SUV39H2: variants seen among roughly 807,000 people sequenced by gnomAD.
SUV39H2 encodes SUV39H2 histone lysine methyltransferase.
Under a neutral mutation model 47.5 loss-of-function variants are expected in SUV39H2, and 10 were observed. The ratio of observed to expected loss-of-function variants is 0.21; its 90% CI spans 0.13 to 0.36. The LOEUF (loss-of-function observed/expected upper bound fraction) is 0.36, where lower values mean the gene tolerates loss of function less well. Ranked by LOEUF, SUV39H2 falls within the 10% of genes least tolerant of loss-of-function variation. SUV39H2 has a pLI of 1.00. For missense variants in SUV39H2, 266 were observed against 487.4 expected, an observed-to-expected ratio of 0.55 and a Z score of 4.28; for synonymous variants, 159 against 166.8, an observed-to-expected ratio of 0.95 and a Z score of 0.36.
In SUV39H2 at chr10:14,902,724, G is replaced by T. The variant is rs1415855307; in HGVS notation, c.*212G>T. On this transcript the variant is annotated 3_prime_UTR_variant, in exon 6 of 6. Transcript: ENST00000354919. ...GATATGAAGTCGACATATTTATAGT[G>T]CTTAGAGACCAAACTAATGGAAGGC... 2.2e-5 allele frequency: 8 copies of T among 364,676 alleles called. No individual in the cohort carries two copies. Among genetic ancestry groups the T allele is most frequent in the Non-Finnish European group, 3.0e-5 (6 of 198,820 alleles). 22.6% of individuals were successfully genotyped at this position (364,676 alleles called of 1,614,324 possible).
In SUV39H2 at chr10:14,896,883, C is replaced by T; in HGVS notation, c.215C>T (p.Pro72Leu). 6.3e-7 allele frequency: 1 copy of T among 1,599,640 alleles called. No individual in the cohort carries two copies. Among genetic ancestry groups the T allele is most frequent in the Non-Finnish European group, 8.5e-7 (1 of 1,170,950 alleles). Reference sequence around the variant, plus strand: ...TATCTTGTAAAATGGAAAGGATGGCCAGATTCTACAAATACTTGGGAACCT... The same window carrying T: ...TATCTTGTAAAATGGAAAGGATGGCTAGATTCTACAAATACTTGGGAACCT... ...EYYLVKWKGW[P>L]DSTNTWEPLQ... The change falls in exon 3 of 6, where the codon CCA becomes CTA. Residue 72 changes from proline to leucine, a missense_variant. Pro to Leu is a moderately conservative substitution (Grantham distance 98). Around this residue, in one of 4 missense-constraint regions of SUV39H2, gnomAD observed 32 missense variants for 77.2 expected, o/e 0.41. Transcript: ENST00000354919.
rs1323346452 is a variant in SUV39H2, at chr10:14,881,520, G to A, written c.52G>A (p.Val18Ile). 2 of 1,578,488 alleles carry A rather than the reference G, an allele frequency of 1.3e-6. No individual in the cohort carries two copies. Among genetic ancestry groups the A allele is most frequent in the Non-Finnish European group, 1.7e-6 (2 of 1,165,974 alleles). ...ARGAWCVPCL[V>I]SLDTLQELCR... is the part of the protein sequence containing the mutation. ...TGTAGCTTGGTGTGTGCCTTGCCTA[G>A]TTTCACTTGATACTCTTCAGGAATT... The change falls in exon 2 of 6, where the codon GTT becomes ATT. Residue 18 changes from valine (V) to isoleucine (I), a missense_variant. Val to Ile is a conservative substitution (Grantham distance 29). Coordinates refer to ENST00000354919, the MANE Select transcript of SUV39H2 (RefSeq NM_001193424.2).
At position 14,902,749 on chromosome 10, in the gene SUV39H2, C is replaced by T; in HGVS notation, c.*237C>T. 3.2e-6 allele frequency: 1 copy of T among 309,858 alleles called. No individual in the cohort carries two copies. Among genetic ancestry groups the T allele is most frequent in the Non-Finnish European group, 6.0e-6 (1 of 165,678 alleles). 19.2% of individuals were successfully genotyped at this position (309,858 alleles called of 1,614,324 possible). On this transcript the variant is annotated 3_prime_UTR_variant, in exon 6 of 6. Transcript: ENST00000354919. ...GCTTAGAGACCAAACTAATGGAAGGCAGACTATTTACAGCTTAGTATATGT... is the reference window on the plus strand; with the variant it reads ...GCTTAGAGACCAAACTAATGGAAGGTAGACTATTTACAGCTTAGTATATGT...
intron 2 of SUV39H2, among the ~76,000 whole-genome samples, chr10:14,892,846 G>A (rs1430691446): frequency 6.7e-6 from 1 of 148,548 alleles, no homozygotes; most frequent in East Asian, 2.0e-4. Context: ...ACGGGGTCTC[G>A]CGCTGTCACT....
At chr10:14,894,843 T>A (rs750676214) in intron 2 of SUV39H2, among the ~76,000 whole-genome samples, 1 of 152,172 alleles carries the variant, frequency 6.6e-6, no homozygotes, top group Non-Finnish European at 1.5e-5. Flanking sequence ...ATGGCAGATA[T>A]CACATGGCTT....
intron 2 of SUV39H2, among the ~76,000 whole-genome samples, chr10:14,887,826 A>G (rs1833261732): frequency 6.6e-6 from 1 of 152,256 alleles, no homozygotes; most frequent in South Asian, 2.1e-4. Flanking sequence ...TGTGACAGAA[A>G]GATCTCACTT....
intron 1 of SUV39H2, 96 bp from the exon 2 acceptor site, chr10:14,881,404 C>T: frequency 9.2e-7 from 1 of 1,086,142 alleles, no homozygotes; most frequent in South Asian, 4.0e-5. Flanking sequence ...CTAAAATTGC[C>T]AGTTGAAAGA....
In SUV39H2 at chr10:14,878,911, C is replaced by T. The variant is rs1439155221; in HGVS notation, c.23C>T (p.Ala8Val). MAAVGAE[A>V]RGAWCVPCLV... ...AAGATGGCGGCGGTCGGGGCCGAGG[C>T]GCGAGGAGGTGAGGCTGGAGCGCGG... Residue 8 changes from alanine (A) to valine (V), a missense_variant, in exon 1 of 6, where the codon GCG becomes GTG. By Grantham distance (64) the Ala-to-Val change is moderately conservative. Coordinates refer to ENST00000354919, the MANE Select transcript of SUV39H2 (RefSeq NM_001193424.2). 3 of 1,479,868 alleles carry T rather than the reference C, an allele frequency of 2.0e-6. No homozygotes were observed. The highest frequency in any genetic ancestry group is 2.9e-5 in the East Asian group (1 of 34,004). 91.7% of individuals were successfully genotyped at this position (1,479,868 alleles called of 1,614,324 possible). A position where few individuals can be genotyped will look rare whatever the true frequency, so the allele number is the denominator to read the frequency against.
chr10:14,881,436 TTC>T (rs1004586386), intron 1 of SUV39H2, 62 bp from the exon 2 acceptor site: 1 of 1,287,556 alleles, frequency 7.8e-7, no homozygotes, highest in Non-Finnish European at 1.0e-6. Context: ...GGTTTTAAGT[TTC>T]TCTTTTTTGT....
rs547539909 is a variant in SUV39H2, at chr10:14,897,723, A to G, written c.849+206A>G. On this transcript the variant is annotated intron_variant, in intron 3 of 5. Coordinates refer to ENST00000354919, the MANE Select transcript of SUV39H2 (RefSeq NM_001193424.2). The stretch of plus-strand genomic sequence containing the variant: ...TATATGAATAAAAAATATACGTTAA[A>G]ACAAATTGATATAGTCATCTTTCAA... 17 of 367,180 alleles carry G rather than the reference A, an allele frequency of 4.6e-5. No homozygotes were observed. The East Asian group carries it at 7.2e-4, about 15-fold the overall frequency. The allele number at this position is 367,180 out of a possible 1,614,324, so 22.7% of individuals were successfully genotyped here. A position where few individuals can be genotyped will look rare whatever the true frequency, so the allele number is the denominator to read the frequency against.
chr10:14,896,698 C>T, intron 2 of SUV39H2, 148 bp from the exon 3 acceptor site: 1 of 568,710 alleles, frequency 1.8e-6, no homozygotes, highest in South Asian at 3.0e-5. Context: ...ATTTATACTT[C>T]ATGTGTTAGG....
chr10:14,894,070 G>C (rs2131692608), intron 2 of SUV39H2, among the ~76,000 whole-genome samples: 1 of 152,320 alleles, frequency 6.6e-6, no homozygotes, highest in Admixed American at 6.5e-5. Flanking sequence ...GAGTAGAAAA[G>C]TTAGATGCTG....
intron 2 of SUV39H2, among the ~76,000 whole-genome samples, chr10:14,888,208 G>A (rs1275584587): frequency 1.3e-5 from 2 of 152,212 alleles, no homozygotes; most frequent in Non-Finnish European, 2.9e-5. Context: ...GGCAAGAGGC[G>A]ATTGCAGTAG....
At chr10:14,882,594 G>A (rs1833072013) in intron 2 of SUV39H2, among the ~76,000 whole-genome samples, 1 of 152,122 alleles carries the variant, frequency 6.6e-6, no homozygotes, top group African/African-American at 2.4e-5. Flanking sequence ...ACTTATTTCT[G>A]TTCTCACACT....
chr10:14,891,212 A>C (rs1378420355), intron 2 of SUV39H2, among the ~76,000 whole-genome samples: 1 of 152,138 alleles, frequency 6.6e-6, no homozygotes, highest in Non-Finnish European at 1.5e-5. Context: ...GGCCCTCCTA[A>C]TTAGGGAGAA....
At chr10:14,879,506 T>G (rs1208039404) in intron 1 of SUV39H2, among the ~76,000 whole-genome samples, 1 of 151,628 alleles carries the variant, frequency 6.6e-6, no homozygotes, top group African/African-American at 2.4e-5. Context: ...AGAAAGTGGG[T>G]ATTTGAGGTT....
chr10:14,894,536 T>G (rs1833502933), intron 2 of SUV39H2, among the ~76,000 whole-genome samples: 1 of 111,076 alleles, frequency 9.0e-6, no homozygotes. Context: ...CCCGGCTAAT[T>G]TTTTGTATTT....
At chr10:14,898,910 A>G (rs1371994525) in intron 3 of SUV39H2, 1 of 308,828 alleles carries the variant, frequency 3.2e-6, no homozygotes, top group East Asian at 5.4e-5. Flanking sequence ...TAGAGCATAT[A>G]CTTGCAGATT....
chr10:14,894,313 TAAGAG>T (rs1833489498), intron 2 of SUV39H2, among the ~76,000 whole-genome samples: 1 of 148,456 alleles, frequency 6.7e-6, no homozygotes. Flanking sequence ...TCACATTTTT[TAAGAG>T]AAGAAAACTT....
Sources: allele counts gnomAD v4.1 joint callset (sites outside exome capture counted in the v4.1 genomes callset), GRCh38; gene constraint gnomAD v4.1.1; regional missense constraint gnomAD v4.1.1; transcripts MANE v1.5; gene names NCBI Gene and HGNC (gene_info 2026-07-23, HGNC 2026-07-21).